Variants in XKR3 observed in about 807,000 individuals in gnomAD.
The protein encoded by XKR3 is XK related 3.
A neutral mutation model predicts 40.3 loss-of-function variants in XKR3; 27 were observed. The observed-to-expected ratio is 0.67, with a 90% CI of 0.49 to 0.92. The LOEUF is 0.92. XKR3 is among the 40% of genes least tolerant of loss of function. XKR3 has a pLI of 0.00. For missense variants in XKR3, 472 were observed against 537.6 expected (o/e 0.88, Z 1.21); for synonymous variants, 193 against 195.4 (o/e 0.99, Z 0.10).
intron 1 of XKR3, among the ~76,000 whole-genome samples, chr22:16,813,016 GGCTCACGCCTGTAATCCCA>G (rs1418362093): frequency 1.3e-5 from 2 of 152,152 alleles, no homozygotes; most frequent in Non-Finnish European, 2.9e-5. Flanking sequence ...CGGGCGCGGT[GGCTCACGCCTGTAATCCCA>G]GCACTTTGGG....
At chr22:16,805,922 G>A (rs932923315) in intron 2 of XKR3, among the ~76,000 whole-genome samples, 11 of 152,172 alleles carry the variant, frequency 7.2e-5, no homozygotes, top group African/African-American at 2.2e-4. Context: ...AGAAGGATGT[G>A]CAGAAATAAG....
chr22:16,791,984 C>T (rs1484095378), intron 3 of XKR3, among the ~76,000 whole-genome samples: 1 of 151,898 alleles, frequency 6.6e-6, no homozygotes. Context: ...TCTTGTTCCC[C>T]AGGCTGGAGT....
intron 1 of XKR3, among the ~76,000 whole-genome samples, chr22:16,808,525 T>C (rs888861091): frequency 2.0e-5 from 3 of 152,208 alleles, no homozygotes; most frequent in African/African-American, 7.2e-5. Flanking sequence ...TATTCCTGAT[T>C]AGTAAAGGAA....
intron 3 of XKR3, among the ~76,000 whole-genome samples, chr22:16,796,681 T>C (rs2060142466): frequency 6.6e-6 from 1 of 152,186 alleles, no homozygotes. Context: ...CAAAAGAATG[T>C]ACTTGAAATA....
At chr22:16,791,913 GTTTT>G (rs10617091) in intron 3 of XKR3, among the ~76,000 whole-genome samples, 13 of 150,016 alleles carry the variant, frequency 8.7e-5, no homozygotes, top group Admixed American at 8.0e-4. Context: ...TTTTCTTTTT[GTTTT>G]TTTTTTTTGT....
chr22:16,789,576 G>C (rs1420474946), intron 3 of XKR3, among the ~76,000 whole-genome samples: 1 of 152,130 alleles, frequency 6.6e-6, no homozygotes, highest in Admixed American at 6.5e-5. Context: ...AAAAAGTAAT[G>C]TGGTTAAAAT....
At chr22:16,792,912 A>G (rs2060126285) in intron 3 of XKR3, among the ~76,000 whole-genome samples, 1 of 152,252 alleles carries the variant, frequency 6.6e-6, no homozygotes, top group Non-Finnish European at 1.5e-5. Flanking sequence ...CAGATAATCA[A>G]CATGCGTCTG....
chr22:16,819,892 A>T (rs1209586074), intron 1 of XKR3, among the ~76,000 whole-genome samples: 1 of 152,190 alleles, frequency 6.6e-6, no homozygotes, highest in African/African-American at 2.4e-5. Flanking sequence ...AAAATTAATT[A>T]GCTAATGAAC....
At chr22:16,788,715 TG>T (rs2060101861) in intron 3 of XKR3, among the ~76,000 whole-genome samples, 1 of 152,094 alleles carries the variant, frequency 6.6e-6, no homozygotes, top group Non-Finnish European at 1.5e-5. Flanking sequence ...CTAATATACC[TG>T]ATTAACATAA....
Position 16,785,861 on chromosome 22 carries a change from A to C in XKR3, c.590-1452T>G, listed in dbSNP as rs1243675462. Among the ~76,000 whole-genome samples the C allele has an allele frequency of 2.0e-5, 3 of 152,172 alleles. No individual in the cohort carries two copies. The East Asian group carries it at 5.8e-4, about 29-fold the overall frequency. On this transcript the variant is annotated intron_variant, in intron 3 of 3. Transcript: ENST00000684488. ...AGACTCCATCTCAAAAAACAAACAA[A>C]CAAATAAACACTAACAAAAAACACT...
intron 3 of XKR3, among the ~76,000 whole-genome samples, chr22:16,786,013 T>C (rs2060088950): frequency 6.6e-6 from 1 of 152,212 alleles, no homozygotes; most frequent in East Asian, 1.9e-4. Context: ...ACTCCATTTA[T>C]TCCTTAAGGA....
intron 3 of XKR3, among the ~76,000 whole-genome samples, chr22:16,793,522 T>C (rs1422248520): frequency 6.6e-6 from 1 of 152,110 alleles, no homozygotes; most frequent in Admixed American, 6.5e-5. Flanking sequence ...TAGATGCAGG[T>C]AACTGCCACT....
At chr22:16,810,537 A>C (rs1212158603) in intron 1 of XKR3, among the ~76,000 whole-genome samples, 1 of 152,160 alleles carries the variant, frequency 6.6e-6, no homozygotes, top group East Asian at 1.9e-4. Context: ...GTGATCCCCT[A>C]CCTTCCTCGA....
chr22:16,786,943 C>T (rs1423840346), intron 3 of XKR3, among the ~76,000 whole-genome samples: 1 of 152,032 alleles, frequency 6.6e-6, no homozygotes, highest in African/African-American at 2.4e-5. Flanking sequence ...TGGGCATGGA[C>T]ACATAGCCTG....
intron 2 of XKR3, among the ~76,000 whole-genome samples, chr22:16,806,982 T>C (rs907725131): frequency 6.6e-6 from 1 of 152,140 alleles, no homozygotes; most frequent in Non-Finnish European, 1.5e-5. Flanking sequence ...CGTTAGTCTT[T>C]CCCAAAGTTA....
intron 1 of XKR3, among the ~76,000 whole-genome samples, chr22:16,819,690 C>G (rs2060248027): frequency 6.6e-6 from 1 of 151,914 alleles, no homozygotes; most frequent in East Asian, 1.9e-4. Context: ...AAAATTCAAC[C>G]CTCTTAGGCG....
Position 16,783,857 on chromosome 22 carries a change from T to G in XKR3, c.1142A>C (p.Gln381Pro). 6.2e-7 allele frequency: 1 copy of G among 1,614,206 alleles called. No individual in the cohort carries two copies. Among genetic ancestry groups the G allele is most frequent in the South Asian group, 1.1e-5 (1 of 91,088 alleles). Residue 381 changes from glutamine (Q) to proline (P), a missense_variant, in exon 4 of 4, where the codon CAG (glutamine) becomes CCG (proline). Gln to Pro is a moderately conservative substitution (Grantham distance 76, BLOSUM62 -1). Coordinates refer to ENST00000684488, the MANE Select transcript of XKR3 (RefSeq NM_001386955.1). ...GGCCAATAGGTAGCTTATGATGAGC[T>G]GCACGGCAATTAATGAGTCACAACA... ...LNCCDSLIAV[Q>P]LIISYLLATG...
chr22:16,788,677 G>T (rs1464796289), intron 3 of XKR3, among the ~76,000 whole-genome samples: 3 of 152,020 alleles, frequency 2.0e-5, no homozygotes, highest in Non-Finnish European at 4.4e-5. Context: ...ACCAGACAAG[G>T]ATACAACAAA....
Position 16,784,160 on chromosome 22 carries a change from C to T in XKR3, c.839G>A (p.Trp280Ter). 1 of 1,614,170 alleles carries T rather than the reference C, an allele frequency of 6.2e-7. No homozygotes were observed. Among genetic ancestry groups the T allele is most frequent in the Non-Finnish European group, 8.5e-7 (1 of 1,180,046 alleles). ...IIYFVSLLAP[W>*]LEFWKSGAHL... ...AGCTCCACTTTTCCAAAACTCCAGC[C>T]ACGGTGCCAACAATGATACAAAATA... The change falls in exon 4 of 4, where the codon TGG becomes TAG. Residue 280 changes from tryptophan to a stop codon, truncating the protein, a stop_gained. Coordinates refer to ENST00000684488, the MANE Select transcript of XKR3 (RefSeq NM_001386955.1). LOFTEE classifies it high-confidence loss of function.
Sources: gnomAD v4.1 joint callset for allele counts (sites outside exome capture counted in the v4.1 genomes callset) on GRCh38, gnomAD v4.1.1 for gene constraint, MANE v1.5 for transcripts, NCBI Gene and HGNC (gene_info 2026-07-23, HGNC 2026-07-21) for gene names.